Variants in GPR155 observed in about 807,000 individuals in gnomAD.
GPR155 encodes the protein lysosomal cholesterol signaling protein.
GPR155 carries 65 observed loss-of-function variants against 93.1 expected under a neutral mutation model. That is an observed-to-expected ratio of 0.70 (90% confidence interval 0.57 to 0.86). The LOEUF (loss-of-function observed/expected upper bound fraction) is 0.86. GPR155 is among the 40% of genes least tolerant of loss of function. GPR155 has a pLI of 0.00. For synonymous variants in GPR155, 319 were observed against 360.1 expected (o/e 0.89, Z 1.29); for missense variants, 838 against 1,034.8 (o/e 0.81, Z 2.61).
chr2:174,459,911 G>C lies in GPR155; in HGVS notation c.1738C>G (p.Pro580Ala). 1 of 1,613,596 alleles carries C rather than the reference G, an allele frequency of 6.2e-7. No individual in the cohort carries two copies. The highest frequency in any genetic ancestry group is 1.3e-5 in the African/African-American group (1 of 75,002). ...GGAATAGAGCTTGTAAAAAGTTCTG[G>C]TTCATTTACTGGTGCTGGACTCTCC... Reference protein sequence around the residue: ...FEESPAPVNEPELFTSSIPET... With the variant: ...FEESPAPVNEAELFTSSIPET... The change falls in exon 10 of 16, where the codon CCA (proline) becomes GCA (alanine). Residue 580 changes from proline to alanine, a missense_variant. Around this residue, in one of 3 missense-constraint regions of GPR155, gnomAD observed 663 missense variants for 790.1 expected, o/e 0.84. Coordinates refer to ENST00000392552, the MANE Select transcript of GPR155 (RefSeq NM_152529.7).
At chr2:174,482,130 C>A in intron 1 of GPR155, 143 bp from the exon 2 acceptor site, 4 of 572,698 alleles carry the variant, frequency 7.0e-6, no homozygotes, top group South Asian at 2.4e-5. Flanking sequence ...TATTCAATGG[C>A]CAAATAAATA....
At chr2:174,455,266 A>T (rs985334210) in intron 10 of GPR155, among the ~76,000 whole-genome samples, 3 of 152,216 alleles carry the variant, frequency 2.0e-5, no homozygotes, top group Non-Finnish European at 4.4e-5. Context: ...TCGGTTTTAA[A>T]GGCCCTGAAG....
Position 174,466,584 on chromosome 2 carries a change from T to G in GPR155, c.1226A>C (p.Gln409Pro). Residue 409 changes from glutamine (Q) to proline (P), a missense_variant, in exon 6 of 16, where the codon CAG becomes CCG. Physicochemically the swap from Gln to Pro is moderately conservative, Grantham distance 76. Around this residue, in one of 3 missense-constraint regions of GPR155, gnomAD observed 663 missense variants for 790.1 expected, o/e 0.84. Transcript: ENST00000392552. ...AILLLSKKYK[Q>P]LPHMLTTNLL... The stretch of plus-strand genomic sequence containing the variant: ...ATTAGTTGTAAGCATATGAGGAAGC[T>G]GTTTATATTTCTTACTCAAAAGAAG... 6.3e-7 allele frequency: 1 copy of G among 1,593,740 alleles called. No individual in the cohort carries two copies. Among genetic ancestry groups the G allele is most frequent in the Non-Finnish European group, 8.6e-7 (1 of 1,164,414 alleles).
chr2:174,468,574 C>A (rs1687905127), intron 5 of GPR155, among the ~76,000 whole-genome samples: 1 of 152,108 alleles, frequency 6.6e-6, no homozygotes. Context: ...CCTTAAAAAA[C>A]CCATGGAAAT....
chr2:174,456,933 A>G (rs1386833514), intron 10 of GPR155, among the ~76,000 whole-genome samples: 1 of 152,250 alleles, frequency 6.6e-6, no homozygotes, highest in African/African-American at 2.4e-5. Context: ...ATCCAAATTC[A>G]TAATAGTGGT....
chr2:174,469,620 G>A (rs144729841), intron 4 of GPR155, among the ~76,000 whole-genome samples: 62 of 152,188 alleles, frequency 4.1e-4, no homozygotes, highest in African/African-American at 1.5e-3. Context: ...CAGTTATTAT[G>A]CAGTATTTTG....
chr2:174,459,982 T>C lies in GPR155; in HGVS notation c.1667A>G (p.Gln556Arg), dbSNP rs1687636711. 10 of 1,614,016 alleles carry C rather than the reference T, an allele frequency of 6.2e-6. No individual in the cohort carries two copies. Among genetic ancestry groups the C allele is most frequent in the Non-Finnish European group, 8.5e-6 (10 of 1,180,000 alleles). ...CTCCACCACTTTGTGGCTCTGAGAC[T>C]GATCGAAACCTTCATAGCTTCCTGC... Reference protein sequence around the residue: ...AQAGSYEGFDQSQSHKVVEPG... With the variant: ...AQAGSYEGFDRSQSHKVVEPG... Residue 556 changes from glutamine (Q) to arginine (R), a missense_variant, in exon 10 of 16, where the codon CAG (glutamine) becomes CGG (arginine). Coordinates refer to ENST00000392552, the MANE Select transcript of GPR155 (RefSeq NM_152529.7).
intron 7 of GPR155, among the ~76,000 whole-genome samples, chr2:174,463,637 G>A (rs866228245): frequency 2.6e-5 from 4 of 152,204 alleles, no homozygotes; most frequent in Admixed American, 1.3e-4. Flanking sequence ...ACATATGGAA[G>A]TAAAGGCAAG....
chr2:174,470,694 C>A, intron 3 of GPR155, 139 bp from the exon 4 acceptor site: 1 of 588,096 alleles, frequency 1.7e-6, no homozygotes, highest in Admixed American at 3.3e-5. Context: ...CTGTGCATGT[C>A]TACCTGGGCA....
Position 174,446,673 on chromosome 2 carries a change from C to T in GPR155, c.1951G>A (p.Gly651Arg), listed in dbSNP as rs1174375746. 1 of 1,613,854 alleles carries T rather than the reference C, an allele frequency of 6.2e-7. No individual in the cohort carries two copies. The highest frequency in any genetic ancestry group is 8.5e-7 in the Non-Finnish European group (1 of 1,179,720). ...ACATGTCGGGTCAGTTGCTGGTCTCCACTCTGTAGATACTGTTCTTCTTCC... is the reference window on the plus strand; with the variant it reads ...ACATGTCGGGTCAGTTGCTGGTCTCTACTCTGTAGATACTGTTCTTCTTCC... ...AQEEEQYLQSGDQQLTRHVLL... is the reference protein window; with the variant it reads ...AQEEEQYLQSRDQQLTRHVLL... Residue 651 changes from glycine to arginine, a missense_variant, in exon 12 of 16, where the codon GGA (glycine) becomes AGA (arginine). This residue lies in a region of GPR155 where 663 missense variants were observed against 790.1 expected (regional missense o/e 0.84). Coordinates refer to ENST00000392552, the MANE Select transcript of GPR155 (RefSeq NM_152529.7).
chr2:174,460,053 G>A lies in GPR155; in HGVS notation c.1596C>T (p.Ile532=), dbSNP rs78053572. ...ITTAVTLFCS[I]LIAGISLMCM... ...ACATGAGGGATATGCCAGCTATCAG[G>A]ATGCTGCAGAACAGGGTGACTGCTG... The change falls in exon 10 of 16, where the codon ATC becomes ATT. Residue 532 remains isoleucine (I), a synonymous_variant. Coordinates refer to ENST00000392552, the MANE Select transcript of GPR155 (RefSeq NM_152529.7). 2,115 of 1,613,540 alleles carry A rather than the reference G, an allele frequency of 1.3e-3. 31 individuals are homozygous for A. The African/African-American group carries it at 0.025, about 19-fold the overall frequency.
At chr2:174,479,471 G>A (rs1574739886) in intron 2 of GPR155, among the ~76,000 whole-genome samples, 1 of 152,186 alleles carries the variant, frequency 6.6e-6, no homozygotes, top group East Asian at 1.9e-4. Context: ...CCTGCTAGTT[G>A]TATGACCTGG....
At position 174,435,442 on chromosome 2, in the gene GPR155, ATAC is replaced by A. The variant is rs1459023445; in HGVS notation, c.*671_*673del. 2 of 135,820 alleles carry A rather than the reference ATAC, an allele frequency of 1.5e-5. No homozygotes were observed. Among genetic ancestry groups the A allele is most frequent in the South Asian group, 2.2e-4 (1 of 4,458 alleles). The allele number at this position is 135,820 out of a possible 1,614,324, so 8.4% of individuals were successfully genotyped here. A position where few individuals can be genotyped will look rare whatever the true frequency, so the allele number is the denominator to read the frequency against. On this transcript the variant is annotated 3_prime_UTR_variant, in exon 16 of 16. Transcript: ENST00000392552. ...GAGAATGTGCATAGGTTATATGCAAATACTACACCATTTTATTAATTATTTTAT... is the reference window on the plus strand; with the variant it reads ...GAGAATGTGCATAGGTTATATGCAAATACACCATTTTATTAATTATTTTAT...
At chr2:174,467,628 G>A (rs1687877438) in intron 5 of GPR155, among the ~76,000 whole-genome samples, 1 of 152,174 alleles carries the variant, frequency 6.6e-6, no homozygotes. Context: ...ACTATTCTAA[G>A]TTTTTTTCCT....
chr2:174,469,039 A>T lies in GPR155; in HGVS notation c.1055T>A (p.Phe352Tyr). The change falls in exon 5 of 16, where the codon TTT becomes TAT. Residue 352 changes from phenylalanine to tyrosine, a missense_variant. Coordinates refer to ENST00000392552, the MANE Select transcript of GPR155 (RefSeq NM_152529.7). ...IITSGMVISTFVSAPIMYVSA... is the reference protein window; with the variant it reads ...IITSGMVISTYVSAPIMYVSA... ...AACGTACATGATGGGAGCAGACACA[A>T]ATGTGCTTATCACCATCCCTGAGGT... 6.2e-7 allele frequency: 1 copy of T among 1,614,104 alleles called. No homozygotes were observed. The highest frequency in any genetic ancestry group is 8.5e-7 in the Non-Finnish European group (1 of 1,179,958).
chr2:174,442,269 G>A, intron 13 of GPR155, 86 bp from the exon 14 acceptor site: 1 of 762,448 alleles, frequency 1.3e-6, no homozygotes, highest in South Asian at 1.4e-5. Context: ...CAAATTTAGT[G>A]TTTGAGGAGA....
At chr2:174,450,489 A>G (rs568414954) in intron 11 of GPR155, among the ~76,000 whole-genome samples, 24 of 152,290 alleles carry the variant, frequency 1.6e-4, no homozygotes, top group African/African-American at 5.5e-4. Flanking sequence ...AGTTGAAAAA[A>G]ACTTTGCCTT....
chr2:174,486,659 C>A (rs1688491469), intron 1 of GPR155, among the ~76,000 whole-genome samples: 1 of 152,196 alleles, frequency 6.6e-6, no homozygotes. Flanking sequence ...GACACCCCCT[C>A]CCCCGCGCGA....
In GPR155 at chr2:174,460,009, T is replaced by C; in HGVS notation, c.1640A>G (p.Gln547Arg). Reference sequence around the variant, plus strand: ...ATCGAAACCTTCATAGCTTCCTGCTTGGGCAGTCTGGTTCATGCACATGAG... The same window carrying C: ...ATCGAAACCTTCATAGCTTCCTGCTCGGGCAGTCTGGTTCATGCACATGAG... ...ISLMCMNQTAQAGSYEGFDQS... is the reference protein window; with the variant it reads ...ISLMCMNQTARAGSYEGFDQS... The change falls in exon 10 of 16, where the codon CAA becomes CGA. Residue 547 changes from glutamine to arginine, a missense_variant. Coordinates refer to ENST00000392552, the MANE Select transcript of GPR155 (RefSeq NM_152529.7). 1.2e-6 allele frequency: 2 copies of C among 1,614,050 alleles called. No homozygotes were observed. The highest frequency in any genetic ancestry group is 1.7e-6 in the Non-Finnish European group (2 of 1,180,006).
Sources: gnomAD v4.1 joint callset for allele counts (sites outside exome capture counted in the v4.1 genomes callset) on GRCh38, gnomAD v4.1.1 for gene constraint, gnomAD v4.1.1 regional missense constraint, MANE v1.5 for transcripts, NCBI Gene and HGNC (gene_info 2026-07-23, HGNC 2026-07-21) for gene names.